The following PPP1R11 variants were observed in gnomAD, a reference collection of about 807,000 sequenced individuals.
PPP1R11 encodes protein phosphatase 1 regulatory inhibitor subunit 11, also known as E3 ubiquitin-protein ligase PPP1R11.
A neutral mutation model predicts 11.3 loss-of-function variants in PPP1R11; 10 were observed. The observed-to-expected ratio is 0.88, with a 90% confidence interval of 0.55 to 1.50. The LOEUF is 1.50. Ranked by LOEUF, PPP1R11 falls within the 40% of genes most tolerant of loss-of-function variation. The pLI, the probability that PPP1R11 is intolerant of heterozygous loss-of-function variation, is 0.00. For missense variants in PPP1R11, 114 were observed against 179.1 expected (o/e 0.64, Z 2.07); for synonymous variants, 56 against 62.3 (o/e 0.90, Z 0.48).
chr6:30,065,197 T>C (rs2127298371), upstream of PPP1R11, among the ~76,000 whole-genome samples: 1 of 152,356 alleles, frequency 6.6e-6, no homozygotes, highest in Non-Finnish European at 1.5e-5. This position sits in a 1 kb window ranked among gnomAD's most constrained non-coding sequence, Gnocchi z 5.3. Flanking sequence ...AATCTGATAC[T>C]AAGTAATGCC....
chr6:30,062,189 G>T (rs547246315), upstream of PPP1R11: 10 of 1,555,546 alleles, frequency 6.4e-6, no homozygotes, highest in South Asian at 1.1e-4. Context: ...AAGGGGATAT[G>T]ACCAGGCCTC....
At position 30,069,417 on chromosome 6, in the gene PPP1R11, G is replaced by T; in HGVS notation, c.*111G>T. 1 of 902,546 alleles carries T rather than the reference G, an allele frequency of 1.1e-6. No homozygotes were observed. The allele number at this position is 902,546 out of a possible 1,614,324, so 55.9% of individuals were successfully genotyped here. ...TTCTGCCTGATAGAGGGAAGAGGAA[G>T]AGGAGGACGAACAGAGATCCTGAAA... On this transcript the variant is annotated 3_prime_UTR_variant, in exon 3 of 3. Transcript: ENST00000376772. The surrounding 1 kb of genome is among the most constrained non-coding windows in gnomAD (Gnocchi z 6.6).
upstream of PPP1R11, chr6:30,062,093 A>G: frequency 6.6e-7 from 1 of 1,508,552 alleles, no homozygotes; most frequent in Non-Finnish European, 9.2e-7. Flanking sequence ...AAAGCTCTGG[A>G]GAGTTTTGTG....
At position 30,067,327 on chromosome 6, in the gene PPP1R11, C is replaced by A; in HGVS notation, c.-84C>A. ...CTGGCTACCACTCTGAATCCGATACCGCTTCTCTTAGACCTCAGCGACAGA... is the reference window on the plus strand; with the variant it reads ...CTGGCTACCACTCTGAATCCGATACAGCTTCTCTTAGACCTCAGCGACAGA... On this transcript the variant is annotated 5_prime_UTR_variant, in exon 1 of 3. Coordinates refer to ENST00000376772, the MANE Select transcript of PPP1R11 (RefSeq NM_021959.3). The A allele has an allele frequency of 7.2e-7, 1 of 1,397,714 alleles. No homozygotes were observed. The highest frequency in any genetic ancestry group is 1.0e-6 in the Non-Finnish European group (1 of 992,242). The allele number at this position is 1,397,714 out of a possible 1,614,324, so 86.6% of individuals were successfully genotyped here.
upstream of PPP1R11, among the ~76,000 whole-genome samples, chr6:30,065,594 G>A (rs1765453696): frequency 1.3e-5 from 2 of 152,076 alleles, no homozygotes; most frequent in Admixed American, 1.3e-4. The surrounding 1 kb of genome is among the most constrained non-coding windows in gnomAD (Gnocchi z 5.3). Flanking sequence ...TTTTGGGGGA[G>A]TCAAAAGTTA....
upstream of PPP1R11, among the ~76,000 whole-genome samples, chr6:30,063,269 C>A (rs1025301667): frequency 6.6e-6 from 1 of 152,026 alleles, no homozygotes; most frequent in Non-Finnish European, 1.5e-5. This position sits in a 1 kb window ranked among gnomAD's most constrained non-coding sequence, Gnocchi z 4.1. Context: ...AGAGGTTTCT[C>A]TCTTCTGTCC....
chr6:30,061,380 GGT>G, the PPP1R11 span: 1 of 874,058 alleles, frequency 1.1e-6, no homozygotes, highest in African/African-American at 1.7e-5. This position sits in a 1 kb window ranked among gnomAD's most constrained non-coding sequence, Gnocchi z 5.0. Flanking sequence ...TCGGCTCCTT[GGT>G]CGCAGAGGCA....
the PPP1R11 span, chr6:30,061,309 G>C: frequency 4.8e-4 from 234 of 487,736 alleles, 17 homozygotes; most frequent in East Asian, 1.8e-3. The surrounding 1 kb of genome is among the most constrained non-coding windows in gnomAD (Gnocchi z 5.0). Flanking sequence ...TCCTCTCACC[G>C]GCCCCTGGAA....
At chr6:30,064,753 T>A, upstream of PPP1R11, 1 of 1,545,756 alleles carries the variant, frequency 6.5e-7, no homozygotes, top group African/African-American at 1.4e-5. Flanking sequence ...TGAAGGATAC[T>A]GGGTTTTTAG....
intron 1 of PPP1R11, 178 bp from the exon 2 acceptor site, chr6:30,068,412 C>A: frequency 2.0e-6 from 1 of 511,856 alleles, no homozygotes; most frequent in Admixed American, 3.4e-5. Context: ...AATACTTATT[C>A]CTCAAGGGAC....
upstream of PPP1R11, chr6:30,062,031 A>T: frequency 6.2e-7 from 1 of 1,609,278 alleles, no homozygotes; most frequent in Non-Finnish European, 8.5e-7. Context: ...AGCTAATGAG[A>T]TCAAGAACTG....
chr6:30,061,556 C>T, the PPP1R11 span: 1 of 1,613,122 alleles, frequency 6.2e-7, no homozygotes, highest in Non-Finnish European at 8.5e-7. The surrounding 1 kb of genome is among the most constrained non-coding windows in gnomAD (Gnocchi z 5.0). Flanking sequence ...AATACTTGCT[C>T]CAGCTTTCAG....
upstream of PPP1R11, chr6:30,062,144 T>C: frequency 6.9e-7 from 1 of 1,451,792 alleles, no homozygotes; most frequent in South Asian, 1.1e-5. Context: ...CCATCGACGT[T>C]TGAGAGGCGT....
At chr6:30,066,531 A>G (rs1432209458), upstream of PPP1R11, among the ~76,000 whole-genome samples, 5 of 152,232 alleles carry the variant, frequency 3.3e-5, no homozygotes, top group African/African-American at 1.2e-4. Flanking sequence ...CAAATCAGAC[A>G]TGGCATTTGT....
upstream of PPP1R11, among the ~76,000 whole-genome samples, chr6:30,065,508 A>C (rs1765442106): frequency 6.6e-6 from 1 of 152,154 alleles, no homozygotes; most frequent in South Asian, 2.1e-4. This position sits in a 1 kb window ranked among gnomAD's most constrained non-coding sequence, Gnocchi z 5.3. Context: ...ATGTATTATA[A>C]GTATATAATA....
intron 1 of PPP1R11, among the ~76,000 whole-genome samples, chr6:30,067,915 CAAGAA>C (rs1765657214): frequency 6.6e-6 from 1 of 151,664 alleles, no homozygotes; most frequent in Admixed American, 6.6e-5. Context: ...AATGAGGAAA[CAAGAA>C]AAGGAGATGA....
upstream of PPP1R11, chr6:30,066,942 CCA>C (rs1765583931): frequency 6.1e-6 from 1 of 164,736 alleles, no homozygotes; most frequent in Admixed American, 6.2e-5. Flanking sequence ...TCCGCCCTCG[CCA>C]CACCCACTCT....
upstream of PPP1R11, among the ~76,000 whole-genome samples, chr6:30,062,700 G>A (rs1178162280): frequency 7.9e-6 from 1 of 126,612 alleles, no homozygotes. Context: ...ACAGACACAT[G>A]CCACCACGCC....
At chr6:30,061,983 C>T, upstream of PPP1R11, 1 of 1,613,008 alleles carries the variant, frequency 6.2e-7, no homozygotes, top group African/African-American at 1.3e-5. The surrounding 1 kb of genome is among the most constrained non-coding windows in gnomAD (Gnocchi z 5.0). Flanking sequence ...ATGCCTATGT[C>T]GGTGGAGGAA....
Sources: gnomAD v4.1 joint callset for allele counts (sites outside exome capture counted in the v4.1 genomes callset) on GRCh38, gnomAD v4.1.1 for gene constraint, Gnocchi (gnomAD v3.1) non-coding constraint, MANE v1.5 for transcripts, NCBI Gene and HGNC (gene_info 2026-07-23, HGNC 2026-07-21) for gene names.